The following VAX1 variants were observed in gnomAD, a reference collection of about 807,000 sequenced individuals.
VAX1 encodes the protein ventral anterior homeobox 1.
In VAX1, 6 loss-of-function variants were observed where a neutral mutation model predicts 17.6. The observed-to-expected ratio is 0.34, with a 90% CI of 0.19 to 0.67. The LOEUF (loss-of-function observed/expected upper bound fraction) is 0.67. Ranked by LOEUF, VAX1 falls within the 30% of genes least tolerant of loss-of-function variation. The probability of loss-of-function intolerance (pLI) is 0.69; values close to 1 mark genes in which losing one functional copy is unlikely to be tolerated. For synonymous variants in VAX1, 256 were observed against 227.4 expected (o/e 1.13, Z -1.13); for missense variants, 408 against 463.7 (o/e 0.88, Z 1.10).
In VAX1 at chr10:117,138,098, A is replaced by AG; in HGVS notation, c.-43_-42insC. Reference sequence around the variant, plus strand: ...AAAAACAGAAAGGAAAAAAAAAGCAAAAAAAAAAAAAAGGGGGGGGGGCGG... The same window carrying AG: ...AAAAACAGAAAGGAAAAAAAAAGCAAGAAAAAAAAAAAAGGGGGGGGGGCGG... On this transcript the variant is annotated 5_prime_UTR_variant, in exon 1 of 3. Transcript: ENST00000369206. 9.0e-6 allele frequency: 1 copy of AG among 111,486 alleles called. No individual in the cohort carries two copies. Among genetic ancestry groups the AG allele is most frequent in the Non-Finnish European group, 1.6e-5 (1 of 63,772 alleles). 6.9% of individuals were successfully genotyped at this position (111,486 alleles called of 1,614,324 possible).
Position 117,134,507 on chromosome 10 carries a change from A to G in VAX1, c.506T>C (p.Val169Ala). 3.3e-6 allele frequency: 5 copies of G among 1,530,816 alleles called. No homozygotes were observed. Among genetic ancestry groups the G allele is most frequent in the Non-Finnish European group, 4.4e-6 (5 of 1,142,594 alleles). 94.8% of individuals were successfully genotyped at this position (1,530,816 alleles called of 1,614,324 possible). A position where few individuals can be genotyped will look rare whatever the true frequency, so the allele number is the denominator to read the frequency against. ...QGKDSELRSV[V>A]SETAATCSVL... ...GCTGCACGTGGCCGCGGTCTCCGAC[A>G]CCACCGAGCGTAGCTCCGAGTCCTT... The change falls in exon 3 of 3, where the codon GTG becomes GCG. Residue 169 changes from valine (V) to alanine (A), a missense_variant. Val to Ala is a moderately conservative substitution (Grantham distance 64). Around this residue, in one of 4 missense-constraint regions of VAX1, gnomAD observed 4 missense variants for 17.0 expected, o/e 0.24. Transcript: ENST00000369206. This position sits in a 1 kb window ranked among gnomAD's most constrained non-coding sequence, Gnocchi z 6.2.
At chr10:117,132,383 T>C, downstream of VAX1, 9 of 1,610,164 alleles carry the variant, frequency 5.6e-6, no homozygotes, top group Non-Finnish European at 7.6e-6. The surrounding 1 kb of genome is among the most constrained non-coding windows in gnomAD (Gnocchi z 4.9). Flanking sequence ...ATACAAAACA[T>C]CCAAATATCC....
rs1013550071 is a variant in VAX1, at chr10:117,134,601, G to C, written c.430-18C>G. Reference sequence around the variant, plus strand: ...ACCTTCACCTGCGCGCCGGGGTGCGGGGAGAGTTGGAGAGAGGGGCAGGGA... The same window carrying C: ...ACCTTCACCTGCGCGCCGGGGTGCGCGGAGAGTTGGAGAGAGGGGCAGGGA... On this transcript the variant is annotated intron_variant, in intron 2 of 2. Transcript: ENST00000369206. The surrounding 1 kb of genome is among the most constrained non-coding windows in gnomAD (Gnocchi z 6.2). The C allele has an allele frequency of 1.3e-5, 19 of 1,512,064 alleles. No homozygotes were observed. In the Admixed American group the frequency reaches 2.9e-4, roughly 23 times the overall value. The allele number at this position is 1,512,064 out of a possible 1,614,324, so 93.7% of individuals were successfully genotyped here.
In VAX1 at chr10:117,136,412, G is replaced by C; in HGVS notation, c.429+60C>G. The C allele has an allele frequency of 6.3e-7, 1 of 1,599,816 alleles. No individual in the cohort carries two copies. Among genetic ancestry groups the C allele is most frequent in the Admixed American group, 1.7e-5 (1 of 59,404 alleles). Reference sequence around the variant, plus strand: ...AGGTTAGGAGGTGAAGAGCAGGCTAGGTAGGGGTGGTGGGGAGGAAGGCTG... The same window carrying C: ...AGGTTAGGAGGTGAAGAGCAGGCTACGTAGGGGTGGTGGGGAGGAAGGCTG... On this transcript the variant is annotated intron_variant, in intron 2 of 2. Transcript: ENST00000369206. This position sits in a 1 kb window ranked among gnomAD's most constrained non-coding sequence, Gnocchi z 5.0.
In VAX1 at chr10:117,134,282, G is replaced by T; in HGVS notation, c.731C>A (p.Pro244Gln). The stretch of plus-strand genomic sequence containing the variant: ...ACCTGGAGCACCGCCCACAGCCGGC[G>T]GGTGCGGGGATGCAGCGCCCGCTGG... Reference protein sequence around the residue: ...PGPAGAASPHPPAVGGAPGPG... With the variant: ...PGPAGAASPHQPAVGGAPGPG... Residue 244 changes from proline (P) to glutamine (Q), a missense_variant, in exon 3 of 3, where the codon CCG (proline) becomes CAG (glutamine). Coordinates refer to ENST00000369206, the MANE Select transcript of VAX1 (RefSeq NM_001112704.2). The surrounding 1 kb of genome is among the most constrained non-coding windows in gnomAD (Gnocchi z 6.2). 1 of 1,249,446 alleles carries T rather than the reference G, an allele frequency of 8.0e-7. No individual in the cohort carries two copies. The highest frequency in any genetic ancestry group is 1.0e-6 in the Non-Finnish European group (1 of 1,000,694). The allele number at this position is 1,249,446 out of a possible 1,614,324, so 77.4% of individuals were successfully genotyped here. A position where few individuals can be genotyped will look rare whatever the true frequency, so the allele number is the denominator to read the frequency against.
chr10:117,137,855 C>G lies in VAX1; in HGVS notation c.202G>C (p.Ala68Pro). The G allele has an allele frequency of 1.9e-6, 3 of 1,613,436 alleles. No individual in the cohort carries two copies. The highest frequency in any genetic ancestry group is 2.5e-6 in the Non-Finnish European group (3 of 1,179,966). ...CGGCGGCAGTAATCCGGGTCCGCTG[C>G]GGAATTGGATTTACTTTTGTTACAA... ...EDCNKSKSNS[A>P]ADPDYCRRIL... The change falls in exon 1 of 3, where the codon GCA becomes CCA. Residue 68 changes from alanine (A) to proline (P), a missense_variant. By Grantham distance (27) the Ala-to-Pro change is conservative. Around this residue, in one of 4 missense-constraint regions of VAX1, gnomAD observed 133 missense variants for 112.0 expected, o/e 1.19. Coordinates refer to ENST00000369206, the MANE Select transcript of VAX1 (RefSeq NM_001112704.2). The surrounding 1 kb of genome is among the most constrained non-coding windows in gnomAD (Gnocchi z 7.4).
In VAX1 at chr10:117,136,708, C is replaced by T. The variant is rs1426334693; in HGVS notation, c.242-49G>A. On this transcript the variant is annotated intron_variant, in intron 1 of 2. Coordinates refer to ENST00000369206, the MANE Select transcript of VAX1 (RefSeq NM_001112704.2). This position sits in a 1 kb window ranked among gnomAD's most constrained non-coding sequence, Gnocchi z 5.0. ...GCCAGAACCCTCCCGTCCCCCTCCA[C>T]CTCCTTGGCCCGAGCTGGATTTGGG... 6.4e-7 allele frequency: 1 copy of T among 1,563,616 alleles called. No individual in the cohort carries two copies. The highest frequency in any genetic ancestry group is 8.7e-7 in the Non-Finnish European group (1 of 1,151,306).
chr10:117,137,301 C>T lies in VAX1; in HGVS notation c.241+515G>A, dbSNP rs933715539. Among the ~76,000 whole-genome samples the T allele has an allele frequency of 6.6e-6, 1 of 152,070 alleles. No individual in the cohort carries two copies. Among genetic ancestry groups the T allele is most frequent in the Non-Finnish European group, 1.5e-5 (1 of 67,988 alleles). On this transcript the variant is annotated intron_variant, in intron 1 of 2. Transcript: ENST00000369206. The surrounding 1 kb of genome is among the most constrained non-coding windows in gnomAD (Gnocchi z 7.4). ...GCTCCGTAACCAAGCCCAGCTGCCT[C>T]TCCCGGCGGCAGCGGTCGGGCACCG...
chr10:117,132,848 C>T (rs1479056139), downstream of VAX1, among the ~76,000 whole-genome samples: 1 of 152,174 alleles, frequency 6.6e-6, no homozygotes, highest in African/African-American at 2.4e-5. This position sits in a 1 kb window ranked among gnomAD's most constrained non-coding sequence, Gnocchi z 4.9. Flanking sequence ...CCCTGCCTCC[C>T]CTTCCGCAAA....
At chr10:117,135,152 G>A (rs1337475442) in intron 2 of VAX1, among the ~76,000 whole-genome samples, 1 of 152,214 alleles carries the variant, frequency 6.6e-6, no homozygotes, top group African/African-American at 2.4e-5. Flanking sequence ...GGCTACAAAG[G>A]ACCATTTCCT....
chr10:117,137,147 G>A lies in VAX1; in HGVS notation c.242-488C>T, dbSNP rs1239477397. 2.6e-5 allele frequency among the ~76,000 whole-genome samples: 4 copies of A among 151,824 alleles called. No homozygotes were observed. Among genetic ancestry groups the A allele is most frequent in the Admixed American group, 1.3e-4 (2 of 15,272 alleles). ...GAGGGACTGAGTCGGGGCCGGCCGG[G>A]CCCGGAGATCTGCTGCTGGCTGGGG... is the stretch of plus-strand genomic sequence containing the variant. On this transcript the variant is annotated intron_variant, in intron 1 of 2. Transcript: ENST00000369206. This position sits in a 1 kb window ranked among gnomAD's most constrained non-coding sequence, Gnocchi z 7.4.
chr10:117,132,611 C>T, downstream of VAX1: 1 of 1,042,342 alleles, frequency 9.6e-7, no homozygotes, highest in Non-Finnish European at 1.4e-6. This position sits in a 1 kb window ranked among gnomAD's most constrained non-coding sequence, Gnocchi z 4.9. Context: ...TGCGGCACCT[C>T]GCAGTCTGGG....
In VAX1 at chr10:117,136,628, C is replaced by T. The variant is rs1320268721; in HGVS notation, c.273G>A (p.Leu91=). The change falls in exon 2 of 3, where the codon CTG becomes CTA. Residue 91 remains leucine, a synonymous_variant. Coordinates refer to ENST00000369206, the MANE Select transcript of VAX1 (RefSeq NM_001112704.2). The surrounding 1 kb of genome is among the most constrained non-coding windows in gnomAD (Gnocchi z 5.0). ...DAKGSIREII[L]PKGLDLDRPK... is the part of the protein sequence containing the mutation. ...GCCGGTCCAAGTCCAGGCCCTTGGG[C>T]AGGATGATCTCTCGGATGGACCCCT... 6.2e-7 allele frequency: 1 copy of T among 1,610,034 alleles called. No homozygotes were observed. The highest frequency in any genetic ancestry group is 8.5e-7 in the Non-Finnish European group (1 of 1,177,020).
rs2133663782 is a variant in VAX1 at position 117,137,419 on chromosome 10, G to C, written c.241+397C>G. ...TTCTCCGGGGCTCGCGTTCCCCCTT[G>C]GGTGCGCTCAGCCCTCCAGAGCGCG... On this transcript the variant is annotated intron_variant, in intron 1 of 2. Transcript: ENST00000369206. This position sits in a 1 kb window ranked among gnomAD's most constrained non-coding sequence, Gnocchi z 7.4. Among the ~76,000 whole-genome samples the C allele has an allele frequency of 6.6e-6, 1 of 152,320 alleles. No individual in the cohort carries two copies. The highest frequency in any genetic ancestry group is 3.4e-3 in the Middle Eastern group (1 of 294).
Position 117,134,311 on chromosome 10 carries a change from C to G in VAX1, c.702G>C (p.Pro234=), listed in dbSNP as rs1854137059. Residue 234 remains proline (P), a synonymous_variant, in exon 3 of 3, where the codon CCG becomes CCC. Coordinates refer to ENST00000369206, the MANE Select transcript of VAX1 (RefSeq NM_001112704.2). This position sits in a 1 kb window ranked among gnomAD's most constrained non-coding sequence, Gnocchi z 6.2. The part of the protein sequence containing the change: ...GSAAAAAAAA[P]GPAGAASPHP... Reference sequence around the variant, plus strand: ...GCGGGGATGCAGCGCCCGCTGGGCCCGGGGCGGCGGCGGCGGCTGCGGCGG... The same window carrying G: ...GCGGGGATGCAGCGCCCGCTGGGCCGGGGGCGGCGGCGGCGGCTGCGGCGG... The G allele has an allele frequency of 9.2e-7, 1 of 1,090,420 alleles. No individual in the cohort carries two copies. Among genetic ancestry groups the G allele is most frequent in the Non-Finnish European group, 1.1e-6 (1 of 899,448 alleles). The allele number at this position is 1,090,420 out of a possible 1,614,324, so 67.5% of individuals were successfully genotyped here.
In VAX1 at chr10:117,137,762, C is replaced by T. The variant is rs1854208657; in HGVS notation, c.241+54G>A. 6.2e-7 allele frequency: 1 copy of T among 1,606,620 alleles called. No individual in the cohort carries two copies. Among genetic ancestry groups the T allele is most frequent in the Admixed American group, 1.7e-5 (1 of 59,984 alleles). On this transcript the variant is annotated intron_variant, in intron 1 of 2. Transcript: ENST00000369206. The surrounding 1 kb of genome is among the most constrained non-coding windows in gnomAD (Gnocchi z 7.4). ...CCTGTGTCGGCGGCAGCGCGCAGCT[C>T]CGGCCCCGGAGTCGACCCCAAAGAA...
rs1261998507 is a variant in VAX1, at chr10:117,134,331, C to A, written c.682G>T (p.Ala228Ser). ...GGGCCCGGGGCGGCGGCGGCGGCTG[C>A]GGCGGCCGAGCCTGCAGCGGCGCCC... The part of the protein sequence containing the change: ...GAGAAAGSAA[A>S]AAAAAPGPAG... The change falls in exon 3 of 3, where the codon GCA becomes TCA. Residue 228 changes from alanine to serine, a missense_variant. Ala to Ser is a moderately conservative substitution (Grantham distance 99). Around this residue, in one of 4 missense-constraint regions of VAX1, gnomAD observed 196 missense variants for 218.7 expected, o/e 0.90. Transcript: ENST00000369206. The surrounding 1 kb of genome is among the most constrained non-coding windows in gnomAD (Gnocchi z 6.2). The A allele has an allele frequency of 9.6e-7, 1 of 1,043,784 alleles. No individual in the cohort carries two copies. Among genetic ancestry groups the A allele is most frequent in the African/African-American group, 1.7e-5 (1 of 58,044 alleles). 64.7% of individuals were successfully genotyped at this position (1,043,784 alleles called of 1,614,324 possible).
In VAX1 at chr10:117,134,617, G is replaced by A; in HGVS notation, c.430-34C>T. ...CGGGGTGCGGGGAGAGTTGGAGAGA[G>A]GGGCAGGGAAGACCAGCGTCAAAGG... On this transcript the variant is annotated intron_variant, in intron 2 of 2. Transcript: ENST00000369206. The surrounding 1 kb of genome is among the most constrained non-coding windows in gnomAD (Gnocchi z 6.2). The A allele has an allele frequency of 6.7e-7, 1 of 1,481,578 alleles. No homozygotes were observed. Among genetic ancestry groups the A allele is most frequent in the Non-Finnish European group, 8.9e-7 (1 of 1,117,584 alleles). The allele number at this position is 1,481,578 out of a possible 1,614,324, so 91.8% of individuals were successfully genotyped here.
downstream of VAX1, chr10:117,131,054 CT>C (rs981418098): frequency 6.6e-6 from 1 of 152,658 alleles, no homozygotes; most frequent in African/African-American, 2.4e-5. Context: ...CTTCTCACCC[CT>C]GGAGGGTCCC....
Sources: gnomAD v4.1 joint callset for allele counts (sites outside exome capture counted in the v4.1 genomes callset) on GRCh38, gnomAD v4.1.1 for gene constraint, gnomAD v4.1.1 regional missense constraint, Gnocchi (gnomAD v3.1) non-coding constraint, MANE v1.5 for transcripts, NCBI Gene and HGNC (gene_info 2026-07-23, HGNC 2026-07-21) for gene names.